GLS2: variants seen among roughly 807,000 people sequenced by gnomAD.
GLS2 encodes glutaminase 2.
GLS2 carries 52 observed loss-of-function variants against 79.0 expected under a neutral mutation model. The ratio of observed to expected loss-of-function variants is 0.66; its 90% confidence interval spans 0.53 to 0.83. GLS2 has a LOEUF of 0.83. GLS2 is among the 40% of genes least tolerant of loss of function. The pLI is 0.00. For missense variants in GLS2, 561 were observed against 764.8 expected, an observed-to-expected ratio of 0.73 and a Z score of 3.14; for synonymous variants, 238 against 280.8, an observed-to-expected ratio of 0.85 and a Z score of 1.52.
intron 16 of GLS2, 116 bp downstream of exon 16, chr12:56,472,003 G>A: frequency 7.6e-7 from 1 of 1,322,180 alleles, no homozygotes; most frequent in Non-Finnish European, 1.1e-6. Context: ...AGGGTGTCTA[G>A]ATAAAACTAG....
intron 7 of GLS2, chr12:56,476,594 T>A (rs1869840724): frequency 6.7e-6 from 1 of 148,986 alleles, no homozygotes; most frequent in Non-Finnish European, 1.5e-5. Context: ...GCCTCAATTT[T>A]TTTTTTTTTT....
intron 1 of GLS2, among the ~76,000 whole-genome samples, chr12:56,487,253 C>T (rs1330663221): frequency 6.6e-6 from 1 of 152,192 alleles, no homozygotes; most frequent in Non-Finnish European, 1.5e-5. Flanking sequence ...GTGGAAGAAA[C>T]ACCCAAAGGA....
chr12:56,474,956 G>A lies in GLS2; in HGVS notation c.997-60C>T. The A allele has an allele frequency of 1.9e-6, 3 of 1,613,804 alleles. No individual in the cohort carries two copies. In the South Asian group the frequency reaches 3.3e-5, roughly 18 times the overall value. ...GGACATCAGCCCTTTCACACTGTCA[G>A]GGTCTCAGCTGAAGCCCCCAACCCC... On this transcript the variant is annotated intron_variant, in intron 10 of 17. Coordinates refer to ENST00000311966, the MANE Select transcript of GLS2 (RefSeq NM_013267.4).
At chr12:56,478,821 C>A in intron 4 of GLS2, 1 of 456,938 alleles carries the variant, frequency 2.2e-6, no homozygotes, top group Non-Finnish European at 3.9e-6. Flanking sequence ...GGCAAAACCC[C>A]ATCTCTACTA....
At chr12:56,476,077 G>C in intron 7 of GLS2, 100 bp from the exon 8 acceptor site, 1 of 1,162,450 alleles carries the variant, frequency 8.6e-7, no homozygotes, top group South Asian at 1.3e-5. Context: ...GTCTGGTCCT[G>C]CTGCTGCAAA....
chr12:56,475,824 A>G (rs1869756970), intron 8 of GLS2, 121 bp downstream of exon 8: 2 of 1,415,014 alleles, frequency 1.4e-6, no homozygotes, highest in Non-Finnish European at 2.0e-6. Flanking sequence ...ATTTCTGGAA[A>G]TAAGGCTTCT....
Position 56,480,285 on chromosome 12 carries a change from T to TA in GLS2, c.282+2dup. The TA allele has an allele frequency of 1.9e-6, 3 of 1,613,054 alleles. No individual in the cohort carries two copies. Among genetic ancestry groups the TA allele is most frequent in the Non-Finnish European group, 2.5e-6 (3 of 1,179,040 alleles). Reference sequence around the variant, plus strand: ...GATCCTGAACAGGTAGAGGGCAACTTACAGTGGTGAACTTGTGGATAGGGA... The same window carrying TA: ...GATCCTGAACAGGTAGAGGGCAACTTAACAGTGGTGAACTTGTGGATAGGGA... On this transcript the variant is annotated splice_region_variant and intron_variant, in intron 2 of 17. Coordinates refer to ENST00000311966, the MANE Select transcript of GLS2 (RefSeq NM_013267.4).
intron 8 of GLS2, 27 bp downstream of exon 8, chr12:56,475,918 C>T: frequency 6.2e-7 from 1 of 1,613,552 alleles, no homozygotes; most frequent in Non-Finnish European, 8.5e-7. Flanking sequence ...GAAATGCAGC[C>T]AGGGGCTAAG....
chr12:56,476,664 G>A (rs1248852817), intron 7 of GLS2: 1 of 150,844 alleles, frequency 6.6e-6, no homozygotes, highest in Non-Finnish European at 1.5e-5. Context: ...CAGGATCTCG[G>A]CTCAACTGCA....
At chr12:56,473,808 C>T in intron 12 of GLS2, 1 of 571,898 alleles carries the variant, frequency 1.7e-6, no homozygotes, top group South Asian at 3.0e-5. Context: ...GAAATACTTA[C>T]AGCATTCTGT....
rs1431845437 is a variant in GLS2 at position 56,480,300 on chromosome 12, G to C, written c.270C>G (p.His90Gln). 9 of 1,613,866 alleles carry C rather than the reference G, an allele frequency of 5.6e-6. No individual in the cohort carries two copies. Among genetic ancestry groups the C allele is most frequent in the African/African-American group, 1.3e-5 (1 of 74,920 alleles). ...GAGGGCAACTTACAGTGGTGAACTT[G>C]TGGATAGGGATTCGTTCCTGTCCTT... ...IAEGQERIPI[H>Q]KFTTALKATG... The change falls in exon 2 of 18, where the codon CAC becomes CAG. Residue 90 changes from histidine (H) to glutamine (Q), a missense_variant. Physicochemically the swap from His to Gln is conservative, Grantham distance 24. This residue lies in a region of GLS2 where 161 missense variants were observed against 167.8 expected (regional missense o/e 0.96). Transcript: ENST00000311966.
rs747897731 is a variant in GLS2 at position 56,472,060 on chromosome 12, G to A, written c.1588+59C>T. The A allele has an allele frequency of 1.9e-6, 3 of 1,560,276 alleles. No individual in the cohort carries two copies. The Admixed American group carries it at 5.1e-5, about 27-fold the overall frequency. ...GGGCACATATAATGAAGGTACTTTT[G>A]GTGAAAAAGAAAGGGTCTTATGATT... On this transcript the variant is annotated intron_variant, in intron 16 of 17. Transcript: ENST00000311966.
At chr12:56,480,072 A>G (rs1429537627) in intron 2 of GLS2, among the ~76,000 whole-genome samples, 171 bp from the exon 3 acceptor site, 2 of 152,198 alleles carry the variant, frequency 1.3e-5, no homozygotes, top group Non-Finnish European at 2.9e-5. Flanking sequence ...AAGGCTAACA[A>G]GGGTTTCCTG....
At chr12:56,475,829 G>C in intron 8 of GLS2, 116 bp downstream of exon 8, 1 of 1,410,990 alleles carries the variant, frequency 7.1e-7, no homozygotes, top group Non-Finnish European at 1.0e-6. Context: ...TGGAAATAAG[G>C]CTTCTAGTAT....
At chr12:56,480,477 G>C (rs1393514495) in intron 1 of GLS2, 90 bp from the exon 2 acceptor site, 2 of 935,754 alleles carry the variant, frequency 2.1e-6, no homozygotes. Flanking sequence ...AAGTAGGTGA[G>C]TGTCCTCATT....
chr12:56,473,713 C>A, intron 12 of GLS2, 119 bp from the exon 13 acceptor site: 1 of 1,283,964 alleles, frequency 7.8e-7, no homozygotes, highest in Non-Finnish European at 1.0e-6. Flanking sequence ...TCCACCTCAA[C>A]CTTTTGGCTT....
rs776272332 is a variant in GLS2 at position 56,480,262 on chromosome 12, T to A, written c.282+26A>T. 3.8e-6 allele frequency: 6 copies of A among 1,585,560 alleles called. No homozygotes were observed. In the South Asian group the frequency reaches 6.6e-5, roughly 18 times the overall value. On this transcript the variant is annotated intron_variant, in intron 2 of 17. Coordinates refer to ENST00000311966, the MANE Select transcript of GLS2 (RefSeq NM_013267.4). Reference sequence around the variant, plus strand: ...TTTCAGAGATCTTAAGGAATTAGGATCCTGAACAGGTAGAGGGCAACTTAC... The same window carrying A: ...TTTCAGAGATCTTAAGGAATTAGGAACCTGAACAGGTAGAGGGCAACTTAC...
chr12:56,471,700 A>G, intron 17 of GLS2, 57 bp from the exon 18 acceptor site: 2 of 1,612,272 alleles, frequency 1.2e-6, no homozygotes, highest in South Asian at 1.1e-5. Flanking sequence ...GTGGTTGTAT[A>G]TATTTGCATG....
rs1869221807 is a variant in GLS2 at position 56,471,096 on chromosome 12, C to T, written c.*391G>A. 1 of 361,280 alleles carries T rather than the reference C, an allele frequency of 2.8e-6. No homozygotes were observed. The highest frequency in any genetic ancestry group is 1.4e-4 in the South Asian group (1 of 7,004). 22.4% of individuals were successfully genotyped at this position (361,280 alleles called of 1,614,324 possible). Reference sequence around the variant, plus strand: ...GCCATGTATATAGCCATTCCCACTTCCCATATTCTGTGGATATGTACATGT... The same window carrying T: ...GCCATGTATATAGCCATTCCCACTTTCCATATTCTGTGGATATGTACATGT... On this transcript the variant is annotated 3_prime_UTR_variant, in exon 18 of 18. Transcript: ENST00000311966.
Sources: allele counts gnomAD v4.1 joint callset (sites outside exome capture counted in the v4.1 genomes callset), GRCh38; gene constraint gnomAD v4.1.1; regional missense constraint gnomAD v4.1.1; transcripts MANE v1.5; gene names NCBI Gene and HGNC (gene_info 2026-07-23, HGNC 2026-07-21).